The following DAGLB variants were observed in gnomAD, a reference collection of about 807,000 sequenced individuals.
DAGLB encodes the protein diacylglycerol lipase-beta.
DAGLB carries 66 observed loss-of-function variants against 72.1 expected under a neutral mutation model. The ratio of observed to expected loss-of-function variants is 0.92; its 90% CI spans 0.75 to 1.12. The LOEUF is 1.12. DAGLB is among the 50% of genes most tolerant of loss of function. The pLI is 0.00. For synonymous variants in DAGLB, 414 were observed against 359.5 expected (o/e 1.15, Z -1.71); for missense variants, 1,065 against 884.9 (o/e 1.20, Z -2.58).
intron 8 of DAGLB, among the ~76,000 whole-genome samples, chr7:6,424,500 T>C (rs939540575): frequency 6.6e-6 from 1 of 152,126 alleles, no homozygotes; most frequent in Admixed American, 6.5e-5. Flanking sequence ...AGGTGCCCTC[T>C]GGGAGCTCCT....
intron 13 of DAGLB, among the ~76,000 whole-genome samples, chr7:6,412,135 G>A (rs370955802): frequency 2.0e-5 from 3 of 152,056 alleles, no homozygotes; most frequent in African/African-American, 7.2e-5. Flanking sequence ...CTCTGGTCTC[G>A]ATCTCCTGAC....
intron 5 of DAGLB, among the ~76,000 whole-genome samples, chr7:6,432,304 A>G (rs1187170468): frequency 6.6e-6 from 1 of 151,154 alleles, no homozygotes; most frequent in Non-Finnish European, 1.5e-5. Context: ...CAATTGTGTC[A>G]TTGCACTCCA....
intron 6 of DAGLB, among the ~76,000 whole-genome samples, chr7:6,428,476 G>A (rs113567934): frequency 0.023 from 3,470 of 150,756 alleles, 137 homozygotes; most frequent in African/African-American, 0.08. Context: ...TTTTTGTTTT[G>A]TTTTGGTTTC....
chr7:6,434,643 C>T (rs575057532), intron 4 of DAGLB, 119 bp downstream of exon 4: 2 of 1,515,864 alleles, frequency 1.3e-6, no homozygotes, highest in Non-Finnish European at 1.8e-6. Context: ...CGGCCACCCC[C>T]CACACACCCA....
At chr7:6,412,265 T>C (rs1182256662) in intron 13 of DAGLB, among the ~76,000 whole-genome samples, 1 of 152,150 alleles carries the variant, frequency 6.6e-6, no homozygotes, top group Non-Finnish European at 1.5e-5. Context: ...CGTGGACATA[T>C]ATCACCATTT....
intron 11 of DAGLB, among the ~76,000 whole-genome samples, chr7:6,416,061 T>C (rs924456796): frequency 2.0e-5 from 3 of 151,752 alleles, no homozygotes; most frequent in Non-Finnish European, 4.4e-5. Context: ...TGCTTGCTTG[T>C]GGGGAGGGAG....
At chr7:6,438,497 A>C (rs913328389) in intron 2 of DAGLB, among the ~76,000 whole-genome samples, 24 of 152,130 alleles carry the variant, frequency 1.6e-4, no homozygotes, top group African/African-American at 5.8e-4. Context: ...ATGTGGAAAA[A>C]AAAAAACACA....
chr7:6,413,621 C>T (rs1013169102), intron 11 of DAGLB, among the ~76,000 whole-genome samples: 3 of 149,678 alleles, frequency 2.0e-5, no homozygotes, highest in Admixed American at 2.0e-4. Flanking sequence ...CAGAGCGAGA[C>T]TCCATCTCAA....
intron 8 of DAGLB, among the ~76,000 whole-genome samples, chr7:6,423,402 C>T (rs573413466): frequency 2.0e-5 from 3 of 151,952 alleles, no homozygotes; most frequent in South Asian, 4.2e-4. Flanking sequence ...ACACAGCAGA[C>T]AGGGCGCACA....
chr7:6,435,812 C>G (rs1784637218), intron 3 of DAGLB, among the ~76,000 whole-genome samples: 1 of 152,190 alleles, frequency 6.6e-6, no homozygotes, highest in Non-Finnish European at 1.5e-5. Context: ...TCTGCTGCCC[C>G]CTGGCGGTGT....
At chr7:6,435,789 CT>C (rs1169528111) in intron 3 of DAGLB, among the ~76,000 whole-genome samples, 1 of 152,188 alleles carries the variant, frequency 6.6e-6, no homozygotes, top group Non-Finnish European at 1.5e-5. Flanking sequence ...GGAAATGCCC[CT>C]CCCGAAGGGG....
chr7:6,435,333 A>C (rs1209760764), intron 3 of DAGLB: 2 of 271,490 alleles, frequency 7.4e-6, no homozygotes, highest in Non-Finnish European at 1.5e-5. Flanking sequence ...TAAAAACACA[A>C]AAATTAGCTG....
In DAGLB at chr7:6,430,548, C is replaced by A. The variant is rs776522826; in HGVS notation, c.861G>T (p.Ala287=). 3 of 1,602,930 alleles carry A rather than the reference C, an allele frequency of 1.9e-6. No individual in the cohort carries two copies. Among genetic ancestry groups the A allele is most frequent in the African/African-American group, 2.7e-5 (2 of 74,752 alleles). Residue 287 remains alanine, a synonymous_variant, in exon 6 of 15, where the codon GCG becomes GCT. Transcript: ENST00000297056. The part of the protein sequence containing the change: ...NCHHYMQFAA[A]AYGWPLYIYR... ...AGATGTAGAGGGGCCACCCATAGGC[C>A]GCTGCTGCAAACTGCATGTAATGAT...
At chr7:6,428,244 G>A (rs1784372403) in intron 6 of DAGLB, among the ~76,000 whole-genome samples, 1 of 147,368 alleles carries the variant, frequency 6.8e-6, no homozygotes, top group Non-Finnish European at 1.5e-5. Flanking sequence ...TACTCGGGAG[G>A]CTGAGGCAGG....
intron 7 of DAGLB, 144 bp downstream of exon 7, chr7:6,425,844 G>A (rs1784294153): frequency 7.4e-7 from 1 of 1,355,680 alleles, no homozygotes; most frequent in East Asian, 2.5e-5. Context: ...AGAGTCTGTG[G>A]CCCCTCTGAA....
intron 9 of DAGLB, among the ~76,000 whole-genome samples, chr7:6,420,179 T>C (rs1784065384): frequency 1.3e-5 from 2 of 151,670 alleles, no homozygotes; most frequent in African/African-American, 4.9e-5. Context: ...CGGTGGCTTA[T>C]GCCTGTAATC....
chr7:6,412,569 C>T (rs1206951990), intron 13 of DAGLB: 3 of 535,826 alleles, frequency 5.6e-6, no homozygotes, highest in East Asian at 3.1e-5. Context: ...TCCAGGCATA[C>T]ACCACTGCTC....
chr7:6,421,616 G>C (rs1375540339), intron 9 of DAGLB, 111 bp downstream of exon 9: 3 of 866,684 alleles, frequency 3.5e-6, no homozygotes, highest in East Asian at 3.1e-5. Context: ...GGGAGGCGCA[G>C]GCAGCGCGGG....
intron 9 of DAGLB, among the ~76,000 whole-genome samples, chr7:6,421,098 G>C (rs956771875): frequency 1.3e-5 from 2 of 152,144 alleles, no homozygotes; most frequent in Admixed American, 1.3e-4. Flanking sequence ...AGCCCAGGAG[G>C]TCAAGACCAG....
Sources: allele counts gnomAD v4.1 joint callset (sites outside exome capture counted in the v4.1 genomes callset), GRCh38; gene constraint gnomAD v4.1.1; transcripts MANE v1.5; gene names NCBI Gene and HGNC (gene_info 2026-07-23, HGNC 2026-07-21).